The following KDM2B variants were observed in gnomAD, a reference collection of about 807,000 sequenced individuals.
KDM2B encodes lysine demethylase 2B, also known as lysine-specific demethylase 2B.
A neutral mutation model predicts 150.0 loss-of-function variants in KDM2B; 26 were observed. The observed-to-expected ratio is 0.17, with a 90% confidence interval of 0.13 to 0.24. The LOEUF is 0.24. Among genes scored for constraint, KDM2B ranks in the 10% least tolerant of loss-of-function variants. The pLI is 1.00. For missense variants in KDM2B, 1,265 were observed against 1,816.9 expected, an observed-to-expected ratio of 0.70 and a Z score of 5.52; for synonymous variants, 734 against 729.5, an observed-to-expected ratio of 1.01 and a Z score of -0.10.
chr12:121,485,279 G>T (rs1336498428), intron 12 of KDM2B, among the ~76,000 whole-genome samples: 4 of 152,116 alleles, frequency 2.6e-5, no homozygotes, highest in African/African-American at 9.7e-5. Flanking sequence ...GACTAAGCCT[G>T]GTGGCAAATG....
intron 1 of KDM2B, chr12:121,580,077 A>T (rs1555317668): frequency 1.2e-6 from 2 of 1,602,616 alleles, no homozygotes; most frequent in East Asian, 4.5e-5. Context: ...TCACCAATTA[A>T]TTGTCAACAC....
chr12:121,449,100 T>G (rs1593780061), intron 13 of KDM2B, among the ~76,000 whole-genome samples: 1 of 133,148 alleles, frequency 7.5e-6, no homozygotes, highest in African/African-American at 2.9e-5. Flanking sequence ...TGTGGTGGGG[T>G]GGGGCAGATG....
At chr12:121,487,931 G>A (rs1483230581) in intron 12 of KDM2B, among the ~76,000 whole-genome samples, 6 of 151,762 alleles carry the variant, frequency 4.0e-5, no homozygotes, top group Non-Finnish European at 5.9e-5. Flanking sequence ...ACAGGTATGC[G>A]CCACCATGCC....
chr12:121,559,230 C>A, intron 4 of KDM2B, among the ~76,000 whole-genome samples: 1 of 152,104 alleles, frequency 6.6e-6, no homozygotes, highest in South Asian at 2.1e-4. Flanking sequence ...GCCAAGTGAC[C>A]GTCTTAGGAG....
chr12:121,415,520 G>A, the KDM2B span, among the ~76,000 whole-genome samples: 5 of 152,212 alleles, frequency 3.3e-5, no homozygotes, highest in African/African-American at 7.2e-5. Context: ...GGAGGCTGAG[G>A]CAGGAGAATC....
intron 4 of KDM2B, among the ~76,000 whole-genome samples, chr12:121,571,538 C>A (rs1477202837): frequency 1.3e-5 from 2 of 152,102 alleles, no homozygotes; most frequent in Non-Finnish European, 2.9e-5. Context: ...AAGTGATCTG[C>A]CCGCCTCAAC....
At position 121,439,350 on chromosome 12, in the gene KDM2B, G is replaced by A. The variant is rs149452517; in HGVS notation, c.3829+507C>T. Among the ~76,000 whole-genome samples the A allele has an allele frequency of 3.2e-3, 484 of 151,818 alleles. 2 individuals are homozygous for A. The highest frequency in any genetic ancestry group is 5.3e-3 in the Non-Finnish European group (357 of 67,928). Reference sequence around the variant, plus strand: ...GCTGCTGCTAACTGGCACTATTTTGGGGTAGCAATTACTACAACTCCAATG... The same window carrying A: ...GCTGCTGCTAACTGGCACTATTTTGAGGTAGCAATTACTACAACTCCAATG... On this transcript the variant is annotated intron_variant, in intron 22 of 22. Coordinates refer to ENST00000377071, the MANE Select transcript of KDM2B (RefSeq NM_032590.5).
chr12:121,442,717 G>A lies in KDM2B; in HGVS notation c.2724C>T (p.Asp908=), dbSNP rs3751131. 602,298 of 1,568,558 alleles carry A rather than the reference G, an allele frequency of 0.38. 118,763 individuals carry two copies. Among genetic ancestry groups the A allele is most frequent in the Admixed American group, 0.44 (22,614 of 51,924 alleles). Residue 908 remains aspartate (D), a synonymous_variant, in exon 19 of 23, where the codon GAC becomes GAT. Transcript: ENST00000377071. The surrounding 1 kb of genome is among the most constrained non-coding windows in gnomAD (Gnocchi z 7.7). ...PEAPPKTRES[D]HSRSSSPTAG... ...CGGTGGGGGAGCTGGAGCGGGAGTG[G>A]TCGCTCTCCCTGGTCTTGGGGGGCG...
intron 12 of KDM2B, among the ~76,000 whole-genome samples, chr12:121,466,640 C>T (rs568488580): frequency 2.8e-4 from 42 of 151,028 alleles, no homozygotes; most frequent in Admixed American, 2.4e-3. Context: ...GGCGCCCAGA[C>T]AAAAGCTCGG....
At chr12:121,441,650 T>C (rs1157354728) in intron 19 of KDM2B, among the ~76,000 whole-genome samples, 3 of 152,142 alleles carry the variant, frequency 2.0e-5, no homozygotes, top group Admixed American at 6.5e-5. Flanking sequence ...TTGGCCAGGC[T>C]GGTCTTGAAC....
rs149512626 is a variant in KDM2B at position 121,515,545 on chromosome 12, TCCACTG to T, written c.1048-2149_1048-2144del. On this transcript the variant is annotated intron_variant, in intron 9 of 22. Transcript: ENST00000377071. The stretch of plus-strand genomic sequence containing the variant: ...CCTCCCCGAATCACACTTGCCCACC[TCCACTG>T]CCCTGCTCTCTGCTGACAATAAACA... 2.8e-3 allele frequency among the ~76,000 whole-genome samples: 238 copies of T among 83,932 alleles called. 3 individuals carry two copies. The highest frequency in any genetic ancestry group is 0.012 in the African/African-American group (230 of 19,488). 55.1% of individuals were successfully genotyped at this position (83,932 alleles called of 152,430 possible). A position where few individuals can be genotyped will look rare whatever the true frequency, so the allele number is the denominator to read the frequency against.
chr12:121,416,623 A>C, the KDM2B span: 1 of 364,128 alleles, frequency 2.7e-6, no homozygotes, highest in Non-Finnish European at 5.0e-6. Flanking sequence ...GTATCATTTT[A>C]TTTTCTATTA....
intron 12 of KDM2B, among the ~76,000 whole-genome samples, chr12:121,490,045 G>A (rs1231371572): frequency 6.6e-6 from 1 of 152,164 alleles, no homozygotes; most frequent in Non-Finnish European, 1.5e-5. Context: ...GGAAGCACTC[G>A]GGGCCTCTCT....
chr12:121,465,047 C>T (rs1043081523), intron 12 of KDM2B, among the ~76,000 whole-genome samples: 6 of 152,026 alleles, frequency 3.9e-5, no homozygotes, highest in South Asian at 2.1e-4. Flanking sequence ...CCCCCCACTG[C>T]CCTGGCTTAG....
intron 22 of KDM2B, chr12:121,433,303 C>T (rs1873378007): frequency 4.8e-6 from 2 of 415,482 alleles, no homozygotes; most frequent in Non-Finnish European, 9.7e-6. Flanking sequence ...CAGATGTTTC[C>T]TGCTGGCGCG....
At chr12:121,502,493 T>C (rs1259678604) in intron 11 of KDM2B, among the ~76,000 whole-genome samples, 1 of 151,624 alleles carries the variant, frequency 6.6e-6, no homozygotes, top group Non-Finnish European at 1.5e-5. Flanking sequence ...TGGTGGCGCA[T>C]GCCTGTAATC....
intron 4 of KDM2B, among the ~76,000 whole-genome samples, chr12:121,555,822 G>A (rs1889845357): frequency 6.6e-6 from 1 of 152,170 alleles, no homozygotes; most frequent in African/African-American, 2.4e-5. Flanking sequence ...TGGGACGTGA[G>A]GGTGGATCCT....
chr12:121,431,873 TTTTTTC>T (rs1228446016), intron 22 of KDM2B, among the ~76,000 whole-genome samples: 18 of 117,094 alleles, frequency 1.5e-4, no homozygotes, highest in African/African-American at 4.5e-4. Flanking sequence ...GGTTTTTTTC[TTTTTTC>T]TTTTTTTTTT....
intron 8 of KDM2B, among the ~76,000 whole-genome samples, chr12:121,526,308 G>T (rs1395287997): frequency 1.3e-5 from 2 of 151,946 alleles, no homozygotes; most frequent in Non-Finnish European, 2.9e-5. Context: ...AGCCAATATT[G>T]TGCCATTGCC....
Sources: allele counts gnomAD v4.1 joint callset (sites outside exome capture counted in the v4.1 genomes callset), GRCh38; gene constraint gnomAD v4.1.1; non-coding constraint Gnocchi (gnomAD v3.1); transcripts MANE v1.5; gene names NCBI Gene and HGNC (gene_info 2026-07-23, HGNC 2026-07-21).